PDE2A: variants seen among roughly 807,000 people sequenced by gnomAD.
PDE2A encodes cGMP-dependent 3',5'-cyclic phosphodiesterase.
A neutral mutation model predicts 133.6 loss-of-function variants in PDE2A; 53 were observed. That is an observed-to-expected ratio of 0.40 (90% CI 0.32 to 0.50). The LOEUF is 0.50. Ranked by LOEUF, PDE2A falls within the 20% of genes least tolerant of loss-of-function variation. PDE2A has a pLI of 0.73. For missense variants in PDE2A, 796 were observed against 1,232.4 expected (o/e 0.65, Z 5.30); for synonymous variants, 491 against 490.2 (o/e 1.00, Z -0.02).
At chr11:72,651,199 A>T (rs1854732484) in intron 1 of PDE2A, among the ~76,000 whole-genome samples, 1 of 152,200 alleles carries the variant, frequency 6.6e-6, no homozygotes, top group Non-Finnish European at 1.5e-5. Flanking sequence ...GAGAATGTAG[A>T]AGCCCAAGAT....
chr11:72,669,450 G>A (rs1320934507), intron 1 of PDE2A, among the ~76,000 whole-genome samples: 3 of 152,152 alleles, frequency 2.0e-5, no homozygotes, highest in Non-Finnish European at 4.4e-5. Flanking sequence ...CACATCACTG[G>A]GGACCTGGCC....
chr11:72,579,118 G>T, intron 27 of PDE2A, 109 bp from the exon 28 acceptor site: 1 of 973,848 alleles, frequency 1.0e-6, no homozygotes, highest in Non-Finnish European at 1.6e-6. Context: ...GGGCACCCTT[G>T]ATGGGAGCCA....
At chr11:72,595,823 C>T (rs540258882) in intron 6 of PDE2A, among the ~76,000 whole-genome samples, 1 of 152,214 alleles carries the variant, frequency 6.6e-6, no homozygotes, top group African/African-American at 2.4e-5. Flanking sequence ...ACGGAAAGAG[C>T]GGCAGAATCC....
chr11:72,672,786 CAG>C (rs1240235175), intron 1 of PDE2A, among the ~76,000 whole-genome samples: 1 of 151,334 alleles, frequency 6.6e-6, no homozygotes, highest in African/African-American at 2.4e-5. Flanking sequence ...CCCCAGAGGG[CAG>C]AGTCATTATT....
At chr11:72,624,222 A>G (rs1350771274) in intron 2 of PDE2A, among the ~76,000 whole-genome samples, 4 of 152,036 alleles carry the variant, frequency 2.6e-5, no homozygotes, top group African/African-American at 9.7e-5. Context: ...ACCTCAGGTG[A>G]TCCACCCAGC....
Position 72,640,507 on chromosome 11 carries a change from G to T in PDE2A, c.144+1747C>A, listed in dbSNP as rs534528370. Among the ~76,000 whole-genome samples, 3 of 152,114 alleles carry T rather than the reference G, an allele frequency of 2.0e-5. No individual in the cohort carries two copies. In the East Asian group the frequency reaches 5.8e-4, roughly 29 times the overall value. ...GCAACCCTTTCCTGTCCAGAATCGC[G>T]GGAGCAGCCACCACACAGACACATG... On this transcript the variant is annotated intron_variant, in intron 2 of 30. Coordinates refer to ENST00000334456, the MANE Select transcript of PDE2A (RefSeq NM_002599.5).
chr11:72,620,829 G>T (rs55861597), intron 2 of PDE2A, among the ~76,000 whole-genome samples: 22,676 of 151,564 alleles, frequency 0.15, 1,751 homozygotes, highest in East Asian at 0.21. Flanking sequence ...TGGGCAGGAG[G>T]GGGTATCGCT....
At chr11:72,607,271 G>A (rs1489735552) in intron 3 of PDE2A, among the ~76,000 whole-genome samples, 2 of 152,144 alleles carry the variant, frequency 1.3e-5, no homozygotes, top group Admixed American at 6.5e-5. Context: ...ATCTAGGCTG[G>A]CACAGCCGCC....
intron 3 of PDE2A, among the ~76,000 whole-genome samples, chr11:72,605,459 T>G (rs1258131539): frequency 6.6e-6 from 1 of 152,208 alleles, no homozygotes; most frequent in Non-Finnish European, 1.5e-5. Flanking sequence ...AAGCAGGCAA[T>G]GATTCATGAA....
At chr11:72,670,819 C>T (rs1306779891) in intron 1 of PDE2A, among the ~76,000 whole-genome samples, 1 of 152,062 alleles carries the variant, frequency 6.6e-6, no homozygotes, top group East Asian at 1.9e-4. Flanking sequence ...CGGAGAAGAC[C>T]CAGGACAGAT....
intron 1 of PDE2A, among the ~76,000 whole-genome samples, chr11:72,655,458 G>A (rs1315538806): frequency 6.6e-6 from 1 of 152,172 alleles, no homozygotes; most frequent in Admixed American, 6.5e-5. Flanking sequence ...AGCCAAAATG[G>A]TGGCTCGTGC....
chr11:72,633,213 C>T (rs1287382196), intron 2 of PDE2A, among the ~76,000 whole-genome samples: 1 of 150,014 alleles, frequency 6.7e-6, no homozygotes, highest in African/African-American at 2.5e-5. Context: ...TGTGTCCAAG[C>T]CACCAGCCAG....
chr11:72,580,952 C>T lies in PDE2A; in HGVS notation c.2067G>A (p.Leu689=), dbSNP rs1591012087. The T allele has an allele frequency of 3.1e-6, 5 of 1,613,012 alleles. No individual in the cohort carries two copies. The highest frequency in any genetic ancestry group is 1.3e-5 in the African/African-American group (1 of 74,978). ...GGTCATGACACATGCAGGAAATAAA[C>T]AAGGCAAAGATCTCGATGTCCCTGG... The part of the protein sequence containing the change: ...NYLEDIEIFA[L]FISCMCHDLD... The change falls in exon 24 of 31, where the codon TTG becomes TTA. Residue 689 remains leucine, a synonymous_variant. Transcript: ENST00000334456.
intron 2 of PDE2A, among the ~76,000 whole-genome samples, chr11:72,622,053 T>G (rs989428211): frequency 6.6e-6 from 1 of 152,114 alleles, no homozygotes; most frequent in African/African-American, 2.4e-5. Flanking sequence ...ATCAACATTT[T>G]CCCAAAGAAG....
At chr11:72,624,906 C>T (rs898358265) in intron 2 of PDE2A, among the ~76,000 whole-genome samples, 4 of 152,250 alleles carry the variant, frequency 2.6e-5, no homozygotes, top group Non-Finnish European at 5.9e-5. Flanking sequence ...CTCCGTGTCA[C>T]ATGTGCAGAA....
At chr11:72,643,178 G>C (rs906701978) in intron 1 of PDE2A, 3 of 152,208 alleles carry the variant, frequency 2.0e-5, no homozygotes, top group Non-Finnish European at 4.4e-5. Flanking sequence ...AGGAGCCTGC[G>C]GCAGCCGCGA....
chr11:72,602,165 G>A (rs1386082017), intron 4 of PDE2A, among the ~76,000 whole-genome samples: 3 of 152,164 alleles, frequency 2.0e-5, no homozygotes, highest in South Asian at 4.1e-4. Flanking sequence ...CTTTGCAAGG[G>A]AGCAAGCAGC....
At chr11:72,649,489 G>C (rs1854662680) in intron 1 of PDE2A, among the ~76,000 whole-genome samples, 1 of 152,196 alleles carries the variant, frequency 6.6e-6, no homozygotes, top group Admixed American at 6.5e-5. Flanking sequence ...ACAGGAGTTG[G>C]GGCTGGATCA....
At chr11:72,610,239 GA>G (rs1012490420) in intron 2 of PDE2A, among the ~76,000 whole-genome samples, 13 of 152,256 alleles carry the variant, frequency 8.5e-5, no homozygotes, top group African/African-American at 3.1e-4. Flanking sequence ...ACAGCCTGGG[GA>G]CCCATAGGAT....
Sources: gnomAD v4.1 joint callset for allele counts (sites outside exome capture counted in the v4.1 genomes callset) on GRCh38, gnomAD v4.1.1 for gene constraint, MANE v1.5 for transcripts, NCBI Gene and HGNC (gene_info 2026-07-23, HGNC 2026-07-21) for gene names.